The following MKNK2 variants were observed in gnomAD, a reference collection of about 807,000 sequenced individuals.
The protein encoded by MKNK2 is MAP kinase-interacting serine/threonine-protein kinase 2.
A neutral mutation model predicts 55.0 loss-of-function variants in MKNK2; 54 were observed. That is an observed-to-expected ratio of 0.98 (90% CI 0.79 to 1.23). The LOEUF is 1.23. MKNK2 is among the 50% of genes most tolerant of loss of function. MKNK2 has a pLI of 0.00. For synonymous variants in MKNK2, 323 were observed against 256.0 expected, an observed-to-expected ratio of 1.26 and a Z score of -2.50; for missense variants, 685 against 632.1, an observed-to-expected ratio of 1.08 and a Z score of -0.90.
At chr19:2,042,188 T>A (rs1204585025) in intron 10 of MKNK2, 154 bp from the exon 11 acceptor site, 2 of 768,888 alleles carry the variant, frequency 2.6e-6, no homozygotes, top group Non-Finnish European at 3.9e-6. Flanking sequence ...CCCCGCCCAA[T>A]CAGCAGGTGC....
intron 5 of MKNK2, 122 bp from the exon 6 acceptor site, chr19:2,043,704 C>T (rs1158086006): frequency 1.1e-6 from 1 of 894,590 alleles, no homozygotes; most frequent in Non-Finnish European, 1.8e-6. Flanking sequence ...CTCTAGAAAG[C>T]AGGGCTCACG....
Position 2,042,420 on chromosome 19 carries a change from C to T in MKNK2, c.750+7G>A. The T allele has an allele frequency of 6.4e-7, 1 of 1,566,296 alleles. No individual in the cohort carries two copies. Among genetic ancestry groups the T allele is most frequent in the Non-Finnish European group, 8.6e-7 (1 of 1,156,550 alleles). On this transcript the variant is annotated splice_region_variant and intron_variant, in intron 10 of 13. Transcript: ENST00000250896. ...CCGAGCCCCCAGCCCTCCCCGCGGGCCCTCACCGGAGTGAGCAGCTCCGGG... is the reference window on the plus strand; with the variant it reads ...CCGAGCCCCCAGCCCTCCCCGCGGGTCCTCACCGGAGTGAGCAGCTCCGGG...
At chr19:2,042,287 C>A (rs1416400549) in intron 10 of MKNK2, 140 bp downstream of exon 10, 10 of 847,736 alleles carry the variant, frequency 1.2e-5, no homozygotes, top group Non-Finnish European at 1.4e-5. Context: ...GCCGCGACAC[C>A]CCGCCCAACC....
At chr19:2,043,678 A>G (rs1396297452) in intron 5 of MKNK2, 96 bp from the exon 6 acceptor site, 1 of 1,107,292 alleles carries the variant, frequency 9.0e-7, no homozygotes, top group African/African-American at 1.6e-5. Context: ...AATTCACCAC[A>G]CTTAACGCCC....
In MKNK2 at chr19:2,042,065, G is replaced by A. The variant is rs115061676; in HGVS notation, c.751-31C>T. On this transcript the variant is annotated intron_variant, in intron 10 of 13. Transcript: ENST00000250896. ...GGCGGGGGAGGGGCGCGTCAGCCGG[G>A]GTTTCCCAGCATTACGTGGGAACCG... The A allele has an allele frequency of 3.4e-5, 50 of 1,457,290 alleles. No individual in the cohort carries two copies. The African/African-American group carries it at 7.4e-4, about 21-fold the overall frequency. 90.3% of individuals were successfully genotyped at this position (1,457,290 alleles called of 1,614,324 possible).
chr19:2,046,461 G>C lies in MKNK2; in HGVS notation c.147C>G (p.Pro49=). The C allele has an allele frequency of 6.2e-7, 1 of 1,608,018 alleles. No homozygotes were observed. The highest frequency in any genetic ancestry group is 8.5e-7 in the Non-Finnish European group (1 of 1,179,390). ...CCGGGATGTCAATGGGCTGGCTGGCGGGCATGTCTGTTCCAGGAGGCACGC... is the reference window on the plus strand; with the variant it reads ...CCGGGATGTCAATGGGCTGGCTGGCCGGCATGTCTGTTCCAGGAGGCACGC... ...GLQCSARPDM[P]ASQPIDIPDA... is the part of the protein sequence containing the mutation. The change falls in exon 4 of 14, where the codon CCC becomes CCG. Residue 49 remains proline, a synonymous_variant. Transcript: ENST00000250896.
At position 2,041,220 on chromosome 19, in the gene MKNK2, A is replaced by G; in HGVS notation, c.946-16T>C. On this transcript the variant is annotated splice_polypyrimidine_tract_variant and intron_variant, in intron 11 of 13. Coordinates refer to ENST00000250896, the MANE Select transcript of MKNK2 (RefSeq NM_199054.3). Reference sequence around the variant, plus strand: ...ACAGCATGTTCTGGGGACATAGAACACAGGGGAGCTTAGACCTGCCCAAGG... The same window carrying G: ...ACAGCATGTTCTGGGGACATAGAACGCAGGGGAGCTTAGACCTGCCCAAGG... 1.2e-6 allele frequency: 2 copies of G among 1,605,812 alleles called. No homozygotes were observed. Among genetic ancestry groups the G allele is most frequent in the Non-Finnish European group, 1.7e-6 (2 of 1,174,998 alleles).
chr19:2,050,175 G>C (rs994666779), intron 2 of MKNK2, among the ~76,000 whole-genome samples: 7 of 152,160 alleles, frequency 4.6e-5, no homozygotes, highest in African/African-American at 1.7e-4. Context: ...TCACCACCCG[G>C]GCTGCGCAGA....
In MKNK2 at chr19:2,043,903, G is replaced by A. The variant is rs142080628; in HGVS notation, c.340-321C>T. Among the ~76,000 whole-genome samples, 142 of 150,472 alleles carry A rather than the reference G, an allele frequency of 9.4e-4. 3 individuals carry two copies. The East Asian group carries it at 0.022, about 24-fold the overall frequency. ...GCAGGAGAATCACTTGAACCCGGGAGGTGGAGGTTGCAGGGAGCTGAGATC... is the reference window on the plus strand; with the variant it reads ...GCAGGAGAATCACTTGAACCCGGGAAGTGGAGGTTGCAGGGAGCTGAGATC... On this transcript the variant is annotated intron_variant, in intron 5 of 13. Coordinates refer to ENST00000250896, the MANE Select transcript of MKNK2 (RefSeq NM_199054.3).
chr19:2,039,526 C>T lies in MKNK2; in HGVS notation c.*87G>A, dbSNP rs1010242139. On this transcript the variant is annotated 3_prime_UTR_variant, in exon 14 of 14. Coordinates refer to ENST00000250896, the MANE Select transcript of MKNK2 (RefSeq NM_199054.3). ...GAATCCAGGCAGAGGAGGGGCAGCC[C>T]GCTGGACACCGGCTGGCGATAGCTT... 1.3e-5 allele frequency: 20 copies of T among 1,486,270 alleles called. No individual in the cohort carries two copies. In the African/African-American group the frequency reaches 1.8e-4, roughly 13 times the overall value. The allele number at this position is 1,486,270 out of a possible 1,614,324, so 92.1% of individuals were successfully genotyped here. A position where few individuals can be genotyped will look rare whatever the true frequency, so the allele number is the denominator to read the frequency against.
chr19:2,050,663 GC>G, intron 2 of MKNK2, 137 bp downstream of exon 2: 2 of 739,842 alleles, frequency 2.7e-6, no homozygotes, highest in East Asian at 3.4e-5. Flanking sequence ...CGCACGGCCG[GC>G]CCGGGCAGCC....
At position 2,050,915 on chromosome 19, in the gene MKNK2, G is replaced by GCGGC. The variant is rs1323219158; in HGVS notation, c.-68_-65dup. Reference sequence around the variant, plus strand: ...GGCCCGGGGGGAGGCCCGAGGGCGGGCGGCCGGGCGGGGGGCGGCCGAGGA... The same window carrying GCGGC: ...GGCCCGGGGGGAGGCCCGAGGGCGGGCGGCCGGCCGGGCGGGGGGCGGCCGAGGA... On this transcript the variant is annotated 5_prime_UTR_variant, in exon 2 of 14. Transcript: ENST00000250896. 7.8e-7 allele frequency: 1 copy of GCGGC among 1,280,522 alleles called. No homozygotes were observed. The highest frequency in any genetic ancestry group is 1.1e-6 in the Non-Finnish European group (1 of 947,250). 79.3% of individuals were successfully genotyped at this position (1,280,522 alleles called of 1,614,324 possible).
chr19:2,046,215 G>A lies in MKNK2; in HGVS notation c.310C>T (p.Leu104=), dbSNP rs753197403. ...AHARVQTCIN[L]ITSQEYAVKI... is the part of the protein sequence containing the mutation. Reference sequence around the variant, plus strand: ...ACGGCGTACTCCTGGCTGGTGATCAGGTTGATGCAGGTCTGCACTCGGGCA... The same window carrying A: ...ACGGCGTACTCCTGGCTGGTGATCAAGTTGATGCAGGTCTGCACTCGGGCA... The change falls in exon 5 of 14, where the codon CTG becomes TTG. Residue 104 remains leucine (L), a synonymous_variant. Coordinates refer to ENST00000250896, the MANE Select transcript of MKNK2 (RefSeq NM_199054.3). 9.3e-6 allele frequency: 15 copies of A among 1,608,328 alleles called. No homozygotes were observed. The highest frequency in any genetic ancestry group is 2.7e-5 in the African/African-American group (2 of 74,942).
intron 12 of MKNK2, 91 bp downstream of exon 12, chr19:2,040,949 A>C: frequency 7.8e-7 from 1 of 1,273,922 alleles, no homozygotes; most frequent in Non-Finnish European, 1.1e-6. Context: ...CAGGGTGTCC[A>C]GGCTACACCC....
intron 8 of MKNK2, 27 bp downstream of exon 8, chr19:2,042,739 G>A (rs751119935): frequency 1.3e-6 from 2 of 1,553,494 alleles, no homozygotes; most frequent in African/African-American, 1.4e-5. Flanking sequence ...GCGGCCCTAG[G>A]AGACTCCGGG....
At chr19:2,046,788 A>G (rs1172494679) in intron 2 of MKNK2, 97 bp from the exon 3 acceptor site, 4 of 966,008 alleles carry the variant, frequency 4.1e-6, no homozygotes, top group Non-Finnish European at 6.0e-6. Context: ...CCACACTGAC[A>G]AGCCCTGCGC....
At chr19:2,041,568 G>C (rs1164919290) in intron 11 of MKNK2, among the ~76,000 whole-genome samples, 1 of 152,166 alleles carries the variant, frequency 6.6e-6, no homozygotes, top group Non-Finnish European at 1.5e-5. Flanking sequence ...AAGCCTTCGG[G>C]AAACTGGCAG....
In MKNK2 at chr19:2,038,040, A is replaced by C; in HGVS notation, c.*1573T>G. ...GTGGGCGGAATGCCCCACCCCCCCCAGGGGTCTTTGGAAGGGGCAGTCCAC... is the reference window on the plus strand; with the variant it reads ...GTGGGCGGAATGCCCCACCCCCCCCCGGGGTCTTTGGAAGGGGCAGTCCAC... On this transcript the variant is annotated 3_prime_UTR_variant, in exon 14 of 14. Transcript: ENST00000250896. The C allele has an allele frequency of 7.8e-7, 1 of 1,284,740 alleles. No homozygotes were observed. Among genetic ancestry groups the C allele is most frequent in the Non-Finnish European group, 9.9e-7 (1 of 1,005,160 alleles). The allele number at this position is 1,284,740 out of a possible 1,614,324, so 79.6% of individuals were successfully genotyped here. A position where few individuals can be genotyped will look rare whatever the true frequency, so the allele number is the denominator to read the frequency against.
intron 2 of MKNK2, among the ~76,000 whole-genome samples, chr19:2,048,507 GC>G (rs2017047079): frequency 1.3e-5 from 2 of 152,222 alleles, no homozygotes; most frequent in Admixed American, 6.5e-5. Context: ...GGCGGGAGGG[GC>G]CCACAGAGGT....
Sources: allele counts gnomAD v4.1 joint callset (sites outside exome capture counted in the v4.1 genomes callset), GRCh38; gene constraint gnomAD v4.1.1; transcripts MANE v1.5; gene names NCBI Gene and HGNC (gene_info 2026-07-23, HGNC 2026-07-21).